IL1RAPL2: variants seen among roughly 807,000 people sequenced by gnomAD.
IL1RAPL2 encodes interleukin 1 receptor accessory protein like 2.
A neutral mutation model predicts 44.1 loss-of-function variants in IL1RAPL2; 3 were observed. The ratio of observed to expected loss-of-function variants is 0.07; its 90% CI spans 0.03 to 0.18. IL1RAPL2 has a LOEUF of 0.18. Ranked by LOEUF, IL1RAPL2 falls within the 10% of genes least tolerant of loss-of-function variation. The probability of loss-of-function intolerance (pLI) is 1.00; values close to 1 mark genes in which losing one functional copy is unlikely to be tolerated. For missense variants in IL1RAPL2, 391 were observed against 496.4 expected (o/e 0.79, Z 2.02); for synonymous variants, 181 against 178.8 (o/e 1.01, Z -0.10).
chrX:104,662,469 T>A (rs745792414), intron 2 of IL1RAPL2, among the ~76,000 whole-genome samples: 13 of 111,968 alleles, frequency 1.2e-4, no homozygotes, highest in Non-Finnish European at 2.1e-4. Flanking sequence ...TAAAAGTCAT[T>A]TGGAAAGCCT....
intron 5 of IL1RAPL2, among the ~76,000 whole-genome samples, chrX:105,457,081 G>C (rs867451023): frequency 5.0e-5 from 4 of 80,426 alleles, no homozygotes; most frequent in Non-Finnish European, 7.4e-5. Context: ...CACACACACA[G>C]AGCTGCTGAA....
chrX:104,765,188 GT>G (rs1932534440), intron 2 of IL1RAPL2, among the ~76,000 whole-genome samples: 1 of 110,903 alleles, frequency 9.0e-6, no homozygotes, highest in South Asian at 3.7e-4. Flanking sequence ...AGCTTTTTTT[GT>G]TTTGTTTTGT....
At chrX:105,380,593 GCT>G (rs2035422317) in intron 5 of IL1RAPL2, among the ~76,000 whole-genome samples, 1 of 111,673 alleles carries the variant, frequency 9.0e-6, no homozygotes, top group Non-Finnish European at 1.9e-5. Context: ...CTGTTCCATA[GCT>G]CTCTCTACTC....
intron 2 of IL1RAPL2, among the ~76,000 whole-genome samples, chrX:104,976,467 GA>G (rs1284854569): frequency 9.0e-6 from 1 of 111,542 alleles, no homozygotes; most frequent in Non-Finnish European, 1.9e-5. Flanking sequence ...AGTGTAGAAG[GA>G]AAAAATAAAT....
intron 1 of IL1RAPL2, among the ~76,000 whole-genome samples, chrX:104,619,685 A>G (rs1409828262): frequency 8.9e-6 from 1 of 112,418 alleles, no homozygotes; most frequent in Non-Finnish European, 1.9e-5. Context: ...ATTGCTACTG[A>G]AGACGTGGGA....
chrX:105,006,678 A>C (rs5963020), intron 2 of IL1RAPL2, among the ~76,000 whole-genome samples: 2,539 of 110,987 alleles, frequency 0.023, 61 homozygotes, highest in African/African-American at 0.079. Flanking sequence ...ATTACAGATG[A>C]GTTCATCAAT....
intron 5 of IL1RAPL2, among the ~76,000 whole-genome samples, chrX:105,297,935 G>A (rs776214271): frequency 1.8e-5 from 2 of 110,882 alleles, no homozygotes; most frequent in East Asian, 5.7e-4. Flanking sequence ...ATGTGTGTGT[G>A]TTTCTAAATA....
chrX:105,002,721 T>A (rs1359554229), intron 2 of IL1RAPL2, among the ~76,000 whole-genome samples: 1 of 108,933 alleles, frequency 9.2e-6, no homozygotes, highest in Non-Finnish European at 1.9e-5. Context: ...TATGTGTTAA[T>A]CCTATAGGAA....
intron 5 of IL1RAPL2, among the ~76,000 whole-genome samples, chrX:105,362,449 A>ATAC (rs1237168463): frequency 9.0e-6 from 1 of 111,368 alleles, no homozygotes; most frequent in Non-Finnish European, 1.9e-5. Flanking sequence ...TCACTATTAT[A>ATAC]TACTACCTAG....
chrX:104,584,853 T>C (rs1432261596), intron 1 of IL1RAPL2, among the ~76,000 whole-genome samples: 4 of 110,815 alleles, frequency 3.6e-5, no homozygotes, highest in African/African-American at 1.3e-4. Flanking sequence ...TGAAAGTTGT[T>C]ATGCCTGTCA....
intron 2 of IL1RAPL2, among the ~76,000 whole-genome samples, chrX:104,885,762 T>G (rs1923221090): frequency 8.9e-6 from 1 of 112,358 alleles, no homozygotes; most frequent in South Asian, 3.7e-4. Flanking sequence ...GCCAATCACC[T>G]GGTAGGGCTT....
At chrX:104,950,722 T>G (rs912819524) in intron 2 of IL1RAPL2, among the ~76,000 whole-genome samples, 1 of 109,591 alleles carries the variant, frequency 9.1e-6, no homozygotes, top group African/African-American at 3.4e-5. Flanking sequence ...TTTGTTTTTT[T>G]TTTTGAGACG....
chrX:105,077,351 T>C (rs955902392), intron 2 of IL1RAPL2, among the ~76,000 whole-genome samples: 1 of 111,929 alleles, frequency 8.9e-6, no homozygotes, highest in African/African-American at 3.3e-5. Flanking sequence ...TTCTTTTCTT[T>C]AAGAATGTTG....
At chrX:105,672,694 T>C (rs897275535) in intron 6 of IL1RAPL2, among the ~76,000 whole-genome samples, 6 of 112,380 alleles carry the variant, frequency 5.3e-5, no homozygotes, top group Non-Finnish European at 1.1e-4. Flanking sequence ...AATGGCATGC[T>C]AGACAACTTG....
chrX:105,451,847 A>C (rs945120251), intron 5 of IL1RAPL2, among the ~76,000 whole-genome samples: 1 of 111,741 alleles, frequency 8.9e-6, no homozygotes, highest in African/African-American at 3.2e-5. Flanking sequence ...AATTTGGTGA[A>C]TTACCCATTA....
chrX:104,694,381 C>T (rs895902807), intron 2 of IL1RAPL2, among the ~76,000 whole-genome samples: 1 of 111,946 alleles, frequency 8.9e-6, no homozygotes, highest in Non-Finnish European at 1.9e-5. Flanking sequence ...ATTCACTAGT[C>T]CTGTTATCTA....
At chrX:105,482,077 G>A (rs973891944) in intron 5 of IL1RAPL2, among the ~76,000 whole-genome samples, 2 of 112,247 alleles carry the variant, frequency 1.8e-5, no homozygotes, top group Admixed American at 9.5e-5. Context: ...TCATTAAACA[G>A]TATGTCTTGG....
chrX:104,636,977 C>A (rs765925304), intron 1 of IL1RAPL2, among the ~76,000 whole-genome samples: 3 of 111,414 alleles, frequency 2.7e-5, no homozygotes, highest in Non-Finnish European at 5.6e-5. Context: ...ATTCGGCCAT[C>A]TTGGCTCCAC....
At chrX:105,451,803 C>G (rs2036021200) in intron 5 of IL1RAPL2, among the ~76,000 whole-genome samples, 1 of 111,704 alleles carries the variant, frequency 9.0e-6, no homozygotes, top group Non-Finnish European at 1.9e-5. Flanking sequence ...TTAATGCTGC[C>G]TTTTGCATGT....
Sources: gnomAD v4.1 joint callset for allele counts (sites outside exome capture counted in the v4.1 genomes callset) on GRCh38, gnomAD v4.1.1 for gene constraint, MANE v1.5 for transcripts, NCBI Gene and HGNC (gene_info 2026-07-23, HGNC 2026-07-21) for gene names.